TBC1D14: variants seen among roughly 807,000 people sequenced by gnomAD.
The protein encoded by TBC1D14 is TBC1 domain family, member 14.
A neutral mutation model predicts 79.0 loss-of-function variants in TBC1D14; 26 were observed. The observed-to-expected ratio is 0.33, with a 90% CI of 0.24 to 0.46. The LOEUF (loss-of-function observed/expected upper bound fraction) is 0.46, where lower values mean the gene tolerates loss of function less well. Among genes scored for constraint, TBC1D14 ranks in the 20% least tolerant of loss-of-function variants. The probability of loss-of-function intolerance (pLI) is 1.00; values close to 1 mark genes in which losing one functional copy is unlikely to be tolerated. For synonymous variants in TBC1D14, 394 were observed against 349.9 expected (o/e 1.13, Z -1.40); for missense variants, 769 against 887.6 (o/e 0.87, Z 1.70).
intron 1 of TBC1D14, among the ~76,000 whole-genome samples, chr4:6,916,630 C>T (rs867244995): frequency 3.0e-4 from 46 of 152,166 alleles, no homozygotes; most frequent in African/African-American, 8.4e-4. Flanking sequence ...GCTCTGGTGG[C>T]GTGACAGTTG....
chr4:6,967,307 C>T lies in TBC1D14; in HGVS notation c.726C>T (p.Asn242=), dbSNP rs1465129383. The T allele has an allele frequency of 1.2e-6, 2 of 1,613,336 alleles. No homozygotes were observed. The highest frequency in any genetic ancestry group is 1.7e-5 in the Admixed American group (1 of 59,790). ...CCTTGTTATTTTCTTCCTATAGGAA[C>T]TTGCTTGCTAGAAAACAAAGTGCAA... ...LGPFSNFFAR[N]LLARKQSARL... The change falls in exon 3 of 14, where the codon AAC becomes AAT. Residue 242 remains asparagine (N), a synonymous_variant. Coordinates refer to ENST00000409757, the MANE Select transcript of TBC1D14 (RefSeq NM_020773.3).
In TBC1D14 at chr4:6,937,102, A is replaced by G. The variant is rs1182016970; in HGVS notation, c.722+12991A>G. On this transcript the variant is annotated intron_variant, in intron 2 of 13. Transcript: ENST00000409757. ...CCGGCTAATTTTGTATTTTTAGTAG[A>G]GATGGGATTTCTCTGTATTGGTCAG... Among the ~76,000 whole-genome samples the G allele has an allele frequency of 2.0e-5, 3 of 152,168 alleles. No individual in the cohort carries two copies. The East Asian group carries it at 5.8e-4, about 29-fold the overall frequency.
intron 2 of TBC1D14, among the ~76,000 whole-genome samples, chr4:6,947,835 G>A (rs995336470): frequency 6.6e-6 from 1 of 152,098 alleles, no homozygotes; most frequent in Non-Finnish European, 1.5e-5. Context: ...GGAGACGTTC[G>A]TGGCAGAGTC....
At chr4:7,005,106 T>C (rs1720048437) in intron 8 of TBC1D14, among the ~76,000 whole-genome samples, 182 bp downstream of exon 8, 1 of 152,198 alleles carries the variant, frequency 6.6e-6, no homozygotes, top group African/African-American at 2.4e-5. Flanking sequence ...TAAAAACTTT[T>C]TATAAGAAAT....
intron 3 of TBC1D14, among the ~76,000 whole-genome samples, chr4:6,971,436 C>T (rs989369655): frequency 6.6e-6 from 1 of 152,250 alleles, no homozygotes; most frequent in Non-Finnish European, 1.5e-5. Context: ...GGATTTTATT[C>T]TAACTGGGCT....
intron 10 of TBC1D14, 26 bp downstream of exon 10, chr4:7,009,974 T>C: frequency 6.2e-7 from 1 of 1,612,234 alleles, no homozygotes; most frequent in Non-Finnish European, 8.5e-7. Context: ...CAGTATTTTA[T>C]AATGTTGTTA....
chr4:6,971,626 G>A (rs1382129881), intron 3 of TBC1D14, among the ~76,000 whole-genome samples: 7 of 152,210 alleles, frequency 4.6e-5, no homozygotes, highest in Non-Finnish European at 1.0e-4. Context: ...CCACGGGTAG[G>A]AGAATAACAG....
chr4:6,954,975 CCAG>C (rs2109013800), intron 2 of TBC1D14, among the ~76,000 whole-genome samples: 1 of 152,370 alleles, frequency 6.6e-6, no homozygotes, highest in Non-Finnish European at 1.5e-5. Context: ...CCAAGTATTT[CCAG>C]CTCTTGGGTA....
intron 2 of TBC1D14, among the ~76,000 whole-genome samples, chr4:6,941,379 T>C (rs1349184195): frequency 6.6e-6 from 1 of 151,944 alleles, no homozygotes; most frequent in Non-Finnish European, 1.5e-5. Context: ...AAAGACAGGG[T>C]TTCACCATGT....
At chr4:7,015,135 G>T (rs1366080002) in intron 12 of TBC1D14, among the ~76,000 whole-genome samples, 1 of 152,082 alleles carries the variant, frequency 6.6e-6, no homozygotes, top group Admixed American at 6.5e-5. Flanking sequence ...GTGGCTCTTA[G>T]ACCCAAGCTC....
chr4:6,956,477 C>T (rs1714649848), intron 2 of TBC1D14, among the ~76,000 whole-genome samples: 1 of 152,258 alleles, frequency 6.6e-6, no homozygotes, highest in Non-Finnish European at 1.5e-5. Context: ...CCGCTGATGG[C>T]TCCTGCGCAC....
Position 7,030,335 on chromosome 4 carries a change from T to G in TBC1D14, c.2025T>G (p.Thr675=), listed in dbSNP as rs762157469. ...SRNKKWAQVL[T]ALQKDSREME... ...TTCCCTGTGACTTCTAGGTACTGAC[T>G]GCATTGCAGAAAGACAGCCGGGAAA... The change falls in exon 14 of 14, where the codon ACT becomes ACG. Residue 675 remains threonine (T), a synonymous_variant. Transcript: ENST00000409757. 1 of 1,613,808 alleles carries G rather than the reference T, an allele frequency of 6.2e-7. No homozygotes were observed. The highest frequency in any genetic ancestry group is 8.5e-7 in the Non-Finnish European group (1 of 1,179,878).
intron 2 of TBC1D14, among the ~76,000 whole-genome samples, chr4:6,956,108 C>T (rs1714609959): frequency 1.3e-5 from 2 of 152,198 alleles, no homozygotes; most frequent in South Asian, 4.1e-4. Flanking sequence ...GCTTGACATT[C>T]TGCTGAAGGA....
chr4:7,013,666 C>T (rs550952699), intron 11 of TBC1D14, among the ~76,000 whole-genome samples: 2 of 152,246 alleles, frequency 1.3e-5, no homozygotes, highest in African/African-American at 2.4e-5. Context: ...AGGGGTGCTG[C>T]CGTTGACTCA....
At chr4:6,947,623 C>T (rs891030305) in intron 2 of TBC1D14, among the ~76,000 whole-genome samples, 2 of 146,380 alleles carry the variant, frequency 1.4e-5, no homozygotes, top group Admixed American at 7.0e-5. Context: ...GATTGCGCCA[C>T]GGCACTCCCG....
intron 1 of TBC1D14, among the ~76,000 whole-genome samples, chr4:6,915,568 G>T (rs1723334341): frequency 6.6e-6 from 1 of 152,152 alleles, no homozygotes; most frequent in Non-Finnish European, 1.5e-5. Context: ...CAGGCTGCAT[G>T]CCTCGGTTTC....
At chr4:6,916,751 C>G (rs1723431932) in intron 1 of TBC1D14, among the ~76,000 whole-genome samples, 1 of 152,220 alleles carries the variant, frequency 6.6e-6, no homozygotes, top group Non-Finnish European at 1.5e-5. Context: ...CAGTCTTCCT[C>G]TTATCCGTAC....
At chr4:6,953,045 A>G (rs1227824699) in intron 2 of TBC1D14, among the ~76,000 whole-genome samples, 1 of 101,978 alleles carries the variant, frequency 9.8e-6, no homozygotes, top group Non-Finnish European at 1.9e-5. Context: ...TTTTTTTCTG[A>G]GACAGAGCCT....
chr4:6,946,811 C>A (rs187702018), intron 2 of TBC1D14, among the ~76,000 whole-genome samples: 1 of 152,186 alleles, frequency 6.6e-6, no homozygotes, highest in Admixed American at 6.5e-5. Context: ...CCACGTATAT[C>A]CCCTCCCACC....
Sources: allele counts gnomAD v4.1 joint callset (sites outside exome capture counted in the v4.1 genomes callset), GRCh38; gene constraint gnomAD v4.1.1; transcripts MANE v1.5; gene names NCBI Gene and HGNC (gene_info 2026-07-23, HGNC 2026-07-21).